PMEPA1: variants seen among roughly 807,000 people sequenced by gnomAD.
The protein encoded by PMEPA1 is prostate transmembrane protein, androgen induced 1.
In PMEPA1, 11 loss-of-function variants were observed where a neutral mutation model predicts 23.0. The ratio of observed to expected loss-of-function variants is 0.48; its 90% CI spans 0.30 to 0.79. PMEPA1 has a LOEUF of 0.79. PMEPA1 is among the 30% of genes least tolerant of loss of function. PMEPA1 has a pLI of 0.06. For synonymous variants in PMEPA1, 204 were observed against 166.4 expected, an observed-to-expected ratio of 1.23 and a Z score of -1.74; for missense variants, 377 against 390.9, an observed-to-expected ratio of 0.96 and a Z score of 0.30.
chr20:57,688,428 C>G (rs998001677), intron 1 of PMEPA1, among the ~76,000 whole-genome samples: 7 of 152,120 alleles, frequency 4.6e-5, no homozygotes, highest in Non-Finnish European at 8.8e-5. Context: ...ACGGGGTAGG[C>G]ACTTCCTCCA....
At chr20:57,661,103 T>C (rs1418491580) in intron 1 of PMEPA1, among the ~76,000 whole-genome samples, 1 of 152,270 alleles carries the variant, frequency 6.6e-6, no homozygotes, top group Non-Finnish European at 1.5e-5. Flanking sequence ...GCTGCGGATG[T>C]TGCCATTCGC....
chr20:57,699,326 A>T lies in PMEPA1; in HGVS notation c.109+10148T>A, dbSNP rs147912149. Among the ~76,000 whole-genome samples, 840 of 152,356 alleles carry T rather than the reference A, an allele frequency of 5.5e-3. 11 individuals carry two copies. The highest frequency in any genetic ancestry group is 0.019 in the African/African-American group (787 of 41,592). ...CATCGGCACCAACACTCTCGTGGCC[A>T]TTTATTGAGCATCTACTAGGAATTA... On this transcript the variant is annotated intron_variant, in intron 1 of 3. Transcript: ENST00000341744.
Position 57,655,860 on chromosome 20 carries a change from G to A in PMEPA1, c.265-2774C>T, listed in dbSNP as rs966637035. ...TAAAATATTTTCTGGTTTGTGGGCC[G>A]GCGGGTCTCTGTCATACCACTGAAC... On this transcript the variant is annotated intron_variant, in intron 2 of 3. Coordinates refer to ENST00000341744, the MANE Select transcript of PMEPA1 (RefSeq NM_020182.5). This position sits in a 1 kb window ranked among gnomAD's most constrained non-coding sequence, Gnocchi z 4.2. 2.0e-5 allele frequency among the ~76,000 whole-genome samples: 3 copies of A among 152,152 alleles called. No homozygotes were observed. The highest frequency in any genetic ancestry group is 2.1e-4 in the South Asian group (1 of 4,826).
At chr20:57,665,943 C>G (rs1600637052) in intron 1 of PMEPA1, among the ~76,000 whole-genome samples, 1 of 152,268 alleles carries the variant, frequency 6.6e-6, no homozygotes, top group Non-Finnish European at 1.5e-5. Context: ...CGTGGCAACA[C>G]AAGCCGCTGG....
chr20:57,687,839 G>C (rs926499424), intron 1 of PMEPA1, among the ~76,000 whole-genome samples: 1 of 152,152 alleles, frequency 6.6e-6, no homozygotes, highest in South Asian at 2.1e-4. Context: ...GCTGACCCAA[G>C]CTTGCCCAAA....
intron 1 of PMEPA1, among the ~76,000 whole-genome samples, chr20:57,694,917 G>A (rs2146702535): frequency 6.6e-6 from 1 of 152,364 alleles, no homozygotes; most frequent in South Asian, 2.1e-4. Flanking sequence ...CTGTGACCTG[G>A]TATCCCGGTG....
chr20:57,659,274 G>C (rs2071373027), intron 2 of PMEPA1, among the ~76,000 whole-genome samples: 1 of 152,232 alleles, frequency 6.6e-6, no homozygotes, highest in Non-Finnish European at 1.5e-5. Flanking sequence ...CTGCTCGAGA[G>C]TCAGCTGAGT....
At chr20:57,710,661 G>C (rs1027815922), upstream of PMEPA1, 7 of 539,248 alleles carry the variant, frequency 1.3e-5, no homozygotes, top group Admixed American at 3.6e-5. Flanking sequence ...CCCAGCCGGC[G>C]GGACCTGGGG....
chr20:57,659,402 G>A (rs2071375633), intron 2 of PMEPA1, 141 bp downstream of exon 2: 4 of 854,494 alleles, frequency 4.7e-6, no homozygotes, highest in South Asian at 3.5e-5. Context: ...GGAAGCTGCT[G>A]TCAGGTGGGC....
chr20:57,689,945 G>A (rs1017284063), intron 1 of PMEPA1, among the ~76,000 whole-genome samples: 11 of 152,232 alleles, frequency 7.2e-5, no homozygotes, highest in African/African-American at 1.9e-4. Flanking sequence ...TGGCTGCATC[G>A]CCCGGCAGCA....
chr20:57,697,993 A>G (rs2071963243), intron 1 of PMEPA1, among the ~76,000 whole-genome samples: 1 of 152,242 alleles, frequency 6.6e-6, no homozygotes, highest in East Asian at 1.9e-4. Context: ...GTGAGCCTAA[A>G]CATTTAAACA....
intron 1 of PMEPA1, among the ~76,000 whole-genome samples, chr20:57,676,773 C>G (rs2071642807): frequency 6.6e-6 from 1 of 152,206 alleles, no homozygotes; most frequent in East Asian, 1.9e-4. Context: ...CACAGAGACC[C>G]TGTGGCCAAA....
chr20:57,669,310 G>A (rs1287601182), intron 1 of PMEPA1, among the ~76,000 whole-genome samples: 2 of 152,072 alleles, frequency 1.3e-5, no homozygotes, highest in African/African-American at 2.4e-5. Context: ...ACAGGCACCC[G>A]CCAGCACGCC....
intron 2 of PMEPA1, among the ~76,000 whole-genome samples, chr20:57,658,070 A>T (rs904072031): frequency 6.6e-6 from 1 of 152,240 alleles, no homozygotes; most frequent in African/African-American, 2.4e-5. Flanking sequence ...CTGCTGAAGG[A>T]TACCGAACAG....
At chr20:57,687,540 T>C (rs533611829) in intron 1 of PMEPA1, among the ~76,000 whole-genome samples, 2 of 152,346 alleles carry the variant, frequency 1.3e-5, no homozygotes, top group African/African-American at 4.8e-5. Context: ...AGCCCAGCCC[T>C]GCCTCCAGGA....
chr20:57,709,602 CGCGGGGCGCGGG>C lies in PMEPA1; in HGVS notation c.-32_-21del, dbSNP rs2072139079. Reference sequence around the variant, plus strand: ...GTGCATGGACGGCGCGGCGGCGCGGCGCGGGGCGCGGGGGGCTCGGGGGCGGCCGGGGGGGGC... The same window carrying C: ...GTGCATGGACGGCGCGGCGGCGCGGCGGGCTCGGGGGCGGCCGGGGGGGGC... On this transcript the variant is annotated 5_prime_UTR_variant, in exon 1 of 4. Transcript: ENST00000341744. 1.1e-6 allele frequency: 1 copy of C among 921,206 alleles called. No homozygotes were observed. The highest frequency in any genetic ancestry group is 1.3e-6 in the Non-Finnish European group (1 of 772,020). 57.1% of individuals were successfully genotyped at this position (921,206 alleles called of 1,614,324 possible).
chr20:57,684,178 C>A (rs553463514), intron 1 of PMEPA1, among the ~76,000 whole-genome samples: 1 of 152,036 alleles, frequency 6.6e-6, no homozygotes, highest in South Asian at 2.1e-4. Flanking sequence ...AAGTAAAAAC[C>A]GGAGGGCAGA....
intron 1 of PMEPA1, among the ~76,000 whole-genome samples, chr20:57,702,716 C>G (rs1014716012): frequency 6.6e-6 from 1 of 152,196 alleles, no homozygotes; most frequent in Non-Finnish European, 1.5e-5. Context: ...GAGCAAGTAT[C>G]TTACACTCTC....
chr20:57,649,233 T>C lies in PMEPA1; in HGVS notation c.*2820A>G, dbSNP rs1025155026. The stretch of plus-strand genomic sequence containing the variant: ...GAAAAGAGGGCCTCCTCAGGAGCAG[T>C]CCAAGAGTTTTCAAAGATAACGTGA... On this transcript the variant is annotated 3_prime_UTR_variant, in exon 4 of 4. Coordinates refer to ENST00000341744, the MANE Select transcript of PMEPA1 (RefSeq NM_020182.5). 6 of 152,064 alleles carry C rather than the reference T, an allele frequency of 3.9e-5. No homozygotes were observed. The highest frequency in any genetic ancestry group is 1.3e-4 in the Admixed American group (2 of 15,264). 9.4% of individuals were successfully genotyped at this position (152,064 alleles called of 1,614,324 possible). A position where few individuals can be genotyped will look rare whatever the true frequency, so the allele number is the denominator to read the frequency against.
Sources: gnomAD v4.1 joint callset for allele counts (sites outside exome capture counted in the v4.1 genomes callset) on GRCh38, gnomAD v4.1.1 for gene constraint, Gnocchi (gnomAD v3.1) non-coding constraint, MANE v1.5 for transcripts, NCBI Gene and HGNC (gene_info 2026-07-23, HGNC 2026-07-21) for gene names.